The following LMTK3 variants were observed in gnomAD, a reference collection of about 807,000 sequenced individuals.
LMTK3 encodes serine/threonine-protein kinase LMTK3.
LMTK3 carries 27 observed loss-of-function variants against 116.7 expected under a neutral mutation model. The ratio of observed to expected loss-of-function variants is 0.23; its 90% CI spans 0.17 to 0.32. The LOEUF is 0.32. LMTK3 is among the 10% of genes least tolerant of loss of function. The pLI is 1.00. For synonymous variants in LMTK3, 965 were observed against 971.0 expected (o/e 0.99, Z 0.11); for missense variants, 1,764 against 2,068.5 (o/e 0.85, Z 2.86).
Position 48,500,819 on chromosome 19 carries a change from C to G in LMTK3, c.1151+177G>C, listed in dbSNP as rs1388320472. On this transcript the variant is annotated intron_variant, in intron 10 of 14. Transcript: ENST00000600059. This position sits in a 1 kb window ranked among gnomAD's most constrained non-coding sequence, Gnocchi z 4.0. ...CAAATCACAGCTCTGCCATCCCCTGCCTGTGTCCCCCTGCAAGTAGCAGAT... is the reference window on the plus strand; with the variant it reads ...CAAATCACAGCTCTGCCATCCCCTGGCTGTGTCCCCCTGCAAGTAGCAGAT... 2.0e-5 allele frequency among the ~76,000 whole-genome samples: 3 copies of G among 152,196 alleles called. No homozygotes were observed. The highest frequency in any genetic ancestry group is 2.9e-5 in the Non-Finnish European group (2 of 68,026).
intron 3 of LMTK3, among the ~76,000 whole-genome samples, chr19:48,509,775 T>C (rs1451449047): frequency 6.6e-6 from 1 of 152,182 alleles, no homozygotes; most frequent in Non-Finnish European, 1.5e-5. Flanking sequence ...CTGTGCTCTA[T>C]GGTAATCTCA....
chr19:48,498,011 C>T lies in LMTK3; in HGVS notation c.3058G>A (p.Glu1020Lys). 1 of 1,612,678 alleles carries T rather than the reference C, an allele frequency of 6.2e-7. No homozygotes were observed. Among genetic ancestry groups the T allele is most frequent in the Non-Finnish European group, 8.5e-7 (1 of 1,179,592 alleles). Residue 1020 changes from glutamate (E) to lysine (K), a missense_variant, in exon 11 of 15, where the codon GAG (glutamate) becomes AAG (lysine). Physicochemically the swap from Glu to Lys is moderately conservative, Grantham distance 56. Around this residue, in one of 7 missense-constraint regions of LMTK3, gnomAD observed 1,028 missense variants for 1,050.6 expected, o/e 0.98. Coordinates refer to ENST00000600059, the MANE Select transcript of LMTK3 (RefSeq NM_001388485.1). ...RFPRNTERPP[E>K]TGPWRAPGPW... ...CCTGGGGCTCTCCAAGGCCCAGTCT[C>T]TGGTGGCCTCTCCGTGTTCCTGGGG...
intron 1 of LMTK3, 78 bp from the exon 2 acceptor site, chr19:48,510,670 C>T: frequency 7.0e-7 from 1 of 1,431,336 alleles, no homozygotes; most frequent in Non-Finnish European, 9.2e-7. Context: ...CGTCCCGGCA[C>T]GTCTTGGACT....
rs1972228729 is a variant in LMTK3, at chr19:48,491,623, CT to C, written c.4093-85del. 4 of 1,191,222 alleles carry C rather than the reference CT, an allele frequency of 3.4e-6. No homozygotes were observed. In the East Asian group the frequency reaches 9.5e-5, roughly 28 times the overall value. 73.8% of individuals were successfully genotyped at this position (1,191,222 alleles called of 1,614,324 possible). Reference sequence around the variant, plus strand: ...CATCCCCCAAAAGCAACAAAACCGGCTAATATTTCTGGGGCTCTAGGAATCC... The same window carrying C: ...CATCCCCCAAAAGCAACAAAACCGGCAATATTTCTGGGGCTCTAGGAATCC... On this transcript the variant is annotated intron_variant, in intron 12 of 14. Transcript: ENST00000600059. This position sits in a 1 kb window ranked among gnomAD's most constrained non-coding sequence, Gnocchi z 5.1.
In LMTK3 at chr19:48,499,245, G is replaced by C. The variant is rs934259036; in HGVS notation, c.1824C>G (p.Ser608Arg). Residue 608 changes from serine to arginine, a missense_variant, in exon 11 of 15, where the codon AGC becomes AGG. Coordinates refer to ENST00000600059, the MANE Select transcript of LMTK3 (RefSeq NM_001388485.1). ...CGCCCCGGCCCTCGGGGTCCCAGCC[G>C]CTCAGCAGGAAGCTGCCTGACGCTG... ...QSSASGSFLL[S>R]GWDPEGRGAG... is the part of the protein sequence containing the mutation. 2.9e-6 allele frequency: 4 copies of C among 1,385,830 alleles called. No individual in the cohort carries two copies. In the African/African-American group the frequency reaches 6.0e-5, roughly 21 times the overall value. 85.8% of individuals were successfully genotyped at this position (1,385,830 alleles called of 1,614,324 possible).
At chr19:48,501,980 T>A (rs1972476406) in intron 7 of LMTK3, among the ~76,000 whole-genome samples, 1 of 65,968 alleles carries the variant, frequency 1.5e-5, no homozygotes, top group Admixed American at 2.1e-4. Context: ...CCCTGGCTCC[T>A]CTTCCCTCTC....
intron 5 of LMTK3, among the ~76,000 whole-genome samples, chr19:48,507,079 C>A (rs531808730): frequency 6.6e-6 from 1 of 152,182 alleles, no homozygotes; most frequent in South Asian, 2.1e-4. Context: ...GGCAGGAGCC[C>A]GACAAAGTGT....
At chr19:48,509,035 C>G (rs1174372482) in intron 4 of LMTK3, 66 bp from the exon 5 acceptor site, 17 of 1,048,142 alleles carry the variant, frequency 1.6e-5, no homozygotes, top group Non-Finnish European at 2.3e-5. Context: ...GGGACCAGCT[C>G]CACTCCACCA....
At position 48,496,058 on chromosome 19, in the gene LMTK3, A is replaced by G. The variant is rs148366740; in HGVS notation, c.3676+1335T>C. Reference sequence around the variant, plus strand: ...ACACAGGAGGCCTGGCACACTGGATAGATGCCTTAGCTTACTGGAAAGTTG... The same window carrying G: ...ACACAGGAGGCCTGGCACACTGGATGGATGCCTTAGCTTACTGGAAAGTTG... On this transcript the variant is annotated intron_variant, in intron 11 of 14. Transcript: ENST00000600059. Among the ~76,000 whole-genome samples, 60 of 152,324 alleles carry G rather than the reference A, an allele frequency of 3.9e-4. No individual in the cohort carries two copies. In the East Asian group the frequency reaches 0.011, roughly 29 times the overall value.
chr19:48,506,885 C>T (rs1366827770), intron 5 of LMTK3, among the ~76,000 whole-genome samples: 7 of 152,258 alleles, frequency 4.6e-5, no homozygotes, highest in African/African-American at 1.2e-4. Flanking sequence ...AGGCTGGTCT[C>T]GAACTCCTGA....
Position 48,499,461 on chromosome 19 carries a change from G to T in LMTK3, c.1608C>A (p.Ser536Arg), listed in dbSNP as rs1279183989. 4.1e-6 allele frequency: 6 copies of T among 1,474,640 alleles called. No homozygotes were observed. Among genetic ancestry groups the T allele is most frequent in the African/African-American group, 1.4e-5 (1 of 69,670 alleles). 91.3% of individuals were successfully genotyped at this position (1,474,640 alleles called of 1,614,324 possible). A position where few individuals can be genotyped will look rare whatever the true frequency, so the allele number is the denominator to read the frequency against. The change falls in exon 11 of 15, where the codon AGC (serine) becomes AGA (arginine). Residue 536 changes from serine (S) to arginine (R), a missense_variant. By Grantham distance (110) the Ser-to-Arg change is moderately radical (BLOSUM62 -1). Coordinates refer to ENST00000600059, the MANE Select transcript of LMTK3 (RefSeq NM_001388485.1). Reference sequence around the variant, plus strand: ...GCTCCTCCAAGCGGATGTAGTACTCGCTGCTCACGGAGGGGCTGCGGGCGC... The same window carrying T: ...GCTCCTCCAAGCGGATGTAGTACTCTCTGCTCACGGAGGGGCTGCGGGCGC... ...VISARSPSVSSEYYIRLEEHG... is the reference protein window; with the variant it reads ...VISARSPSVSREYYIRLEEHG...
At chr19:48,512,061 G>A (rs1972673920), upstream of LMTK3, among the ~76,000 whole-genome samples, 1 of 150,842 alleles carries the variant, frequency 6.6e-6, no homozygotes, top group Non-Finnish European at 1.5e-5. Flanking sequence ...CGGGGGTGGG[G>A]GGGCAGGGCC....
chr19:48,509,336 C>T lies in LMTK3; in HGVS notation c.438+101G>A. 13 of 1,102,462 alleles carry T rather than the reference C, an allele frequency of 1.2e-5. No homozygotes were observed. The Middle Eastern group carries it at 1.4e-3, about 121-fold the overall frequency. The allele number at this position is 1,102,462 out of a possible 1,614,324, so 68.3% of individuals were successfully genotyped here. A position where few individuals can be genotyped will look rare whatever the true frequency, so the allele number is the denominator to read the frequency against. On this transcript the variant is annotated intron_variant, in intron 4 of 14. Coordinates refer to ENST00000600059, the MANE Select transcript of LMTK3 (RefSeq NM_001388485.1). ...AGGCTGAGGGGGCATGGGGAGGAGG[C>T]GAGGGACAGATGAGAAGTGGTGAGA...
chr19:48,511,490 G>T lies in LMTK3; in HGVS notation c.76+11C>A. 2 of 1,343,674 alleles carry T rather than the reference G, an allele frequency of 1.5e-6. No homozygotes were observed. Among genetic ancestry groups the T allele is most frequent in the Non-Finnish European group, 1.9e-6 (2 of 1,029,028 alleles). The allele number at this position is 1,343,674 out of a possible 1,614,324, so 83.2% of individuals were successfully genotyped here. A position where few individuals can be genotyped will look rare whatever the true frequency, so the allele number is the denominator to read the frequency against. The stretch of plus-strand genomic sequence containing the variant: ...GGGCCACCGGACAGACTGATGGCCC[G>T]ACAGACTCACCGGGGTGGGCCGGGG... On this transcript the variant is annotated intron_variant, in intron 1 of 14. Coordinates refer to ENST00000600059, the MANE Select transcript of LMTK3 (RefSeq NM_001388485.1).
intron 5 of LMTK3, among the ~76,000 whole-genome samples, chr19:48,507,824 T>A (rs1310598801): frequency 2.0e-5 from 3 of 152,130 alleles, no homozygotes; most frequent in Admixed American, 6.5e-5. Context: ...TGGCACAGGT[T>A]TAGGGAGAGA....
At position 48,502,460 on chromosome 19, in the gene LMTK3, TGC is replaced by T; in HGVS notation, c.765_766del (p.His256ProfsTer21). On this transcript the variant is annotated frameshift_variant, in exon 7 of 15. Transcript: ENST00000600059. LOFTEE classifies it high-confidence loss of function. ...GTGCACGTAGTTGTGGGAATGCAGG[TGC>T]GCCAGCCCGCGGGCGATCTCCAGGC... 6.2e-7 allele frequency: 1 copy of T among 1,610,658 alleles called. No individual in the cohort carries two copies. Among genetic ancestry groups the T allele is most frequent in the Non-Finnish European group, 8.5e-7 (1 of 1,179,032 alleles).
Position 48,494,119 on chromosome 19 carries a change from G to A in LMTK3, c.3677-10C>T. On this transcript the variant is annotated splice_polypyrimidine_tract_variant and intron_variant, in intron 11 of 14. Coordinates refer to ENST00000600059, the MANE Select transcript of LMTK3 (RefSeq NM_001388485.1). This position sits in a 1 kb window ranked among gnomAD's most constrained non-coding sequence, Gnocchi z 4.0. ...AGCCGGGAGAGCCTGGCTGCGAGGG[G>A]AGAGACCTGGTGAGCCCCTGTCCCG... 1.7e-6 allele frequency: 2 copies of A among 1,195,244 alleles called. No homozygotes were observed. The highest frequency in any genetic ancestry group is 2.2e-4 in the Middle Eastern group (1 of 4,586). 74.0% of individuals were successfully genotyped at this position (1,195,244 alleles called of 1,614,324 possible). A position where few individuals can be genotyped will look rare whatever the true frequency, so the allele number is the denominator to read the frequency against.
At chr19:48,513,311 C>G (rs568826747), upstream of LMTK3, 11 of 741,616 alleles carry the variant, frequency 1.5e-5, no homozygotes, top group South Asian at 1.6e-4. The surrounding 1 kb of genome is among the most constrained non-coding windows in gnomAD (Gnocchi z 5.6). Context: ...CACAACCGCC[C>G]TCTGAGACAG....
At chr19:48,489,867 C>T (rs1278872102) in intron 14 of LMTK3, among the ~76,000 whole-genome samples, 1 of 152,144 alleles carries the variant, frequency 6.6e-6, no homozygotes, top group East Asian at 1.9e-4. Context: ...GCTCTGATAC[C>T]GGGGAGCACC....
Sources: allele counts gnomAD v4.1 joint callset (sites outside exome capture counted in the v4.1 genomes callset), GRCh38; gene constraint gnomAD v4.1.1; regional missense constraint gnomAD v4.1.1; non-coding constraint Gnocchi (gnomAD v3.1); transcripts MANE v1.5; gene names NCBI Gene and HGNC (gene_info 2026-07-23, HGNC 2026-07-21).